Variants in TMEM144 observed in about 807,000 individuals in gnomAD.
TMEM144 encodes the protein transmembrane protein 144.
TMEM144 carries 39 observed loss-of-function variants against 43.6 expected under a neutral mutation model. That is an observed-to-expected ratio of 0.90 (90% CI 0.69 to 1.17). The LOEUF is 1.17. Ranked by LOEUF, TMEM144 falls within the 50% of genes most tolerant of loss-of-function variation. The pLI, the probability that TMEM144 is intolerant of heterozygous loss-of-function variation, is 0.00. For missense variants in TMEM144, 417 were observed against 411.9 expected (o/e 1.01, Z -0.11); for synonymous variants, 154 against 133.6 (o/e 1.15, Z -1.06).
intron 4 of TMEM144, among the ~76,000 whole-genome samples, chr4:158,215,728 C>T (rs1734189961): frequency 2.6e-5 from 4 of 152,148 alleles, no homozygotes; most frequent in Non-Finnish European, 5.9e-5. Context: ...AAGATACTAT[C>T]ATTTCAAAAG....
At chr4:158,213,004 AAATC>A in intron 3 of TMEM144, 1 of 574,296 alleles carries the variant, frequency 1.7e-6, no homozygotes. Context: ...TACAGTCAGG[AAATC>A]TCTTGGGCCA....
rs769350335 is a variant in TMEM144, at chr4:158,212,770, G to A, written c.103G>A (p.Gly35Ser). 7 of 1,607,862 alleles carry A rather than the reference G, an allele frequency of 4.4e-6. No individual in the cohort carries two copies. Among genetic ancestry groups the A allele is most frequent in the Non-Finnish European group, 8.5e-7 (1 of 1,174,682 alleles). ...TGTGCCACTTAAAAAATTTGATACT[G>A]GTGATGGTAATTATTTTTCCTTGAT... ...NFVPLKKFDT[G>S]DGMFLQWVLC... The change falls in exon 3 of 13, where the codon GGT (glycine) becomes AGT (serine). Residue 35 changes from glycine (G) to serine (S), a missense_variant. Transcript: ENST00000296529.
intron 6 of TMEM144, among the ~76,000 whole-genome samples, chr4:158,231,834 G>A (rs1052048172): frequency 1.3e-5 from 2 of 152,146 alleles, no homozygotes; most frequent in African/African-American, 4.8e-5. Flanking sequence ...AATCAAAAAG[G>A]AAAGTTAAAT....
intron 6 of TMEM144, among the ~76,000 whole-genome samples, chr4:158,228,293 A>G (rs1183693830): frequency 2.0e-5 from 3 of 150,512 alleles, no homozygotes; most frequent in Non-Finnish European, 4.4e-5. Context: ...AAGGCATGCC[A>G]TGGGTGATCA....
At chr4:158,212,086 G>C (rs1733987022) in intron 2 of TMEM144, 1 of 152,198 alleles carries the variant, frequency 6.6e-6, no homozygotes, top group South Asian at 2.1e-4. Flanking sequence ...GGGCCAGTGT[G>C]CAAAATATGA....
intron 3 of TMEM144, 27 bp downstream of exon 3, chr4:158,212,803 G>T (rs199885433): frequency 1.3e-6 from 2 of 1,530,136 alleles, no homozygotes; most frequent in East Asian, 4.5e-5. Flanking sequence ...GATTGTTAAC[G>T]TTATATTATT....
chr4:158,250,190 CATAACATATATATATATATATATATAT>C (rs1560843925), intron 12 of TMEM144, among the ~76,000 whole-genome samples: 2 of 111,254 alleles, frequency 1.8e-5, no homozygotes, highest in Non-Finnish European at 4.1e-5. Context: ...TTAATTAATA[CATAACATATATATATATATATATATAT>C]ATATATATAT....
At position 158,237,200 on chromosome 4, in the gene TMEM144, GTTTA is replaced by G. The variant is rs370813228; in HGVS notation, c.564-319_564-316del. On this transcript the variant is annotated intron_variant, in intron 8 of 12. Coordinates refer to ENST00000296529, the MANE Select transcript of TMEM144 (RefSeq NM_018342.5). ...TATCTCAATTTAATTAGAGTGCCAA[GTTTA>G]TTTATGTAGACTGTACAATATAACT... The G allele has an allele frequency of 7.5e-4, 143 of 190,696 alleles. 1 individual carries two copies. Among genetic ancestry groups the G allele is most frequent in the African/African-American group, 3.1e-3 (135 of 42,928 alleles). The allele number at this position is 190,696 out of a possible 1,614,324, so 11.8% of individuals were successfully genotyped here.
intron 6 of TMEM144, among the ~76,000 whole-genome samples, chr4:158,232,419 G>A (rs1321652207): frequency 1.3e-5 from 2 of 152,178 alleles, no homozygotes; most frequent in African/African-American, 2.4e-5. Flanking sequence ...GGCAGGATTG[G>A]TAAGGTCAGA....
chr4:158,226,446 C>T (rs1734771070), intron 6 of TMEM144, among the ~76,000 whole-genome samples: 1 of 152,078 alleles, frequency 6.6e-6, no homozygotes, highest in African/African-American at 2.4e-5. Flanking sequence ...TTAACTTTAG[C>T]CAATGTTTAC....
intron 10 of TMEM144, among the ~76,000 whole-genome samples, chr4:158,240,701 T>C (rs1205043709): frequency 1.3e-5 from 2 of 152,244 alleles, no homozygotes; most frequent in African/African-American, 4.8e-5. Flanking sequence ...GATATTTTCC[T>C]GTGCCAAACA....
intron 6 of TMEM144, among the ~76,000 whole-genome samples, chr4:158,227,697 A>T (rs935876020): frequency 6.6e-6 from 1 of 152,208 alleles, no homozygotes; most frequent in Non-Finnish European, 1.5e-5. Flanking sequence ...GTATAGAACC[A>T]GTAACCAAAC....
chr4:158,222,480 A>T (rs901457653), intron 6 of TMEM144, among the ~76,000 whole-genome samples: 1 of 152,124 alleles, frequency 6.6e-6, no homozygotes, highest in African/African-American at 2.4e-5. Flanking sequence ...ATATCATTTG[A>T]GATTGTTCCA....
intron 12 of TMEM144, among the ~76,000 whole-genome samples, chr4:158,252,257 C>G (rs1736243424): frequency 6.6e-6 from 1 of 152,182 alleles, no homozygotes; most frequent in Non-Finnish European, 1.5e-5. Context: ...TAGTTCCCAT[C>G]TTTAAGACCA....
chr4:158,224,692 G>A (rs1170934276), intron 6 of TMEM144, among the ~76,000 whole-genome samples: 1 of 152,150 alleles, frequency 6.6e-6, no homozygotes, highest in Non-Finnish European at 1.5e-5. Flanking sequence ...TACTATACAA[G>A]TCCAAATTTT....
rs1258559542 is a variant in TMEM144, at chr4:158,251,193, C to T, written c.955-2251C>T. ...AGATGTATCTAAAATTAGAGAGGTGCTAGTCTTGTTTTACTTTGTAATGTT... is the reference window on the plus strand; with the variant it reads ...AGATGTATCTAAAATTAGAGAGGTGTTAGTCTTGTTTTACTTTGTAATGTT... On this transcript the variant is annotated intron_variant, in intron 12 of 12. Coordinates refer to ENST00000296529, the MANE Select transcript of TMEM144 (RefSeq NM_018342.5). 2.0e-5 allele frequency among the ~76,000 whole-genome samples: 3 copies of T among 152,146 alleles called. No homozygotes were observed. In the East Asian group the frequency reaches 5.8e-4, roughly 29 times the overall value.
intron 3 of TMEM144, 69 bp downstream of exon 3, chr4:158,212,845 A>G: frequency 8.3e-7 from 1 of 1,208,762 alleles, no homozygotes; most frequent in South Asian, 1.3e-5. Flanking sequence ...TTGGTCTTTT[A>G]AAAGTATAGC....
intron 8 of TMEM144, 36 bp from the exon 9 acceptor site, chr4:158,237,489 G>C: frequency 6.6e-7 from 1 of 1,518,222 alleles, no homozygotes; most frequent in South Asian, 1.2e-5. Flanking sequence ...ATACTGCTTT[G>C]AGCCAAGATT....
At chr4:158,229,510 C>T (rs544000514) in intron 6 of TMEM144, among the ~76,000 whole-genome samples, 193 of 152,202 alleles carry the variant, frequency 1.3e-3, no homozygotes, top group African/African-American at 4.5e-3. Flanking sequence ...TAAGGCAGCA[C>T]TTTGACTGTC....
Sources: allele counts gnomAD v4.1 joint callset (sites outside exome capture counted in the v4.1 genomes callset), GRCh38; gene constraint gnomAD v4.1.1; transcripts MANE v1.5; gene names NCBI Gene and HGNC (gene_info 2026-07-23, HGNC 2026-07-21).